Variants in KDM2A observed in about 807,000 individuals in gnomAD.
KDM2A encodes lysine demethylase 2A.
A neutral mutation model predicts 137.3 loss-of-function variants in KDM2A; 3 were observed. That is an observed-to-expected ratio of 0.02 (90% CI 0.01 to 0.06). The LOEUF (loss-of-function observed/expected upper bound fraction) is 0.06. Ranked by LOEUF, KDM2A falls within the 10% of genes least tolerant of loss-of-function variation. The probability of loss-of-function intolerance (pLI) is 1.00; values close to 1 mark genes in which losing one functional copy is unlikely to be tolerated. For synonymous variants in KDM2A, 512 were observed against 541.5 expected (o/e 0.95, Z 0.76); for missense variants, 738 against 1,510.6 (o/e 0.49, Z 8.48).
At chr11:67,221,082 C>T (rs912159472) in intron 10 of KDM2A, among the ~76,000 whole-genome samples, 2 of 151,612 alleles carry the variant, frequency 1.3e-5, no homozygotes, top group African/African-American at 4.8e-5. Flanking sequence ...AGGCAGCAGG[C>T]CAAATCCACT....
chr11:67,181,023 T>G (rs1857081012), intron 3 of KDM2A, among the ~76,000 whole-genome samples: 1 of 151,274 alleles, frequency 6.6e-6, no homozygotes, highest in African/African-American at 2.4e-5. Flanking sequence ...TTAGCATTTA[T>G]AAGATGACTC....
chr11:67,239,038 C>G (rs1324189291), intron 12 of KDM2A, among the ~76,000 whole-genome samples: 1 of 152,112 alleles, frequency 6.6e-6, no homozygotes, highest in Admixed American at 6.5e-5. Context: ...CTTGTCAGTC[C>G]GAGTGGCTGT....
intron 5 of KDM2A, among the ~76,000 whole-genome samples, chr11:67,198,751 G>A (rs1019659296): frequency 6.8e-6 from 1 of 146,998 alleles, no homozygotes; most frequent in African/African-American, 2.7e-5. Flanking sequence ...TGTCAGTGGT[G>A]ATCAGTAGTT....
At chr11:67,191,779 G>A (rs1857360361) in intron 5 of KDM2A, among the ~76,000 whole-genome samples, 2 of 152,288 alleles carry the variant, frequency 1.3e-5, no homozygotes, top group Admixed American at 6.5e-5. Flanking sequence ...CAGGAACAGC[G>A]TAAAGGCGCC....
At chr11:67,200,648 C>T (rs1164860730) in intron 5 of KDM2A, among the ~76,000 whole-genome samples, 1 of 152,072 alleles carries the variant, frequency 6.6e-6, no homozygotes, top group Non-Finnish European at 1.5e-5. Context: ...GCTGGGACTA[C>T]AAGCACATGC....
chr11:67,239,120 A>T (rs1858951450), intron 12 of KDM2A, among the ~76,000 whole-genome samples: 1 of 152,236 alleles, frequency 6.6e-6, no homozygotes. Flanking sequence ...AGAATGAGAC[A>T]GGCAAACAGA....
Position 67,254,733 on chromosome 11 carries a change from C to G in KDM2A, c.3308-141C>G. ...GGTCCCTTTGGAGGTGCTGATGGCA[C>G]TTCTGGTCTCTGAGCCAGGTAGTTG... On this transcript the variant is annotated intron_variant, in intron 20 of 20. Transcript: ENST00000529006. This position sits in a 1 kb window ranked among gnomAD's most constrained non-coding sequence, Gnocchi z 4.7. The G allele has an allele frequency of 1.3e-6, 1 of 764,516 alleles. No individual in the cohort carries two copies. The highest frequency in any genetic ancestry group is 2.1e-6 in the Non-Finnish European group (1 of 472,196). 47.4% of individuals were successfully genotyped at this position (764,516 alleles called of 1,614,324 possible). A position where few individuals can be genotyped will look rare whatever the true frequency, so the allele number is the denominator to read the frequency against.
At chr11:67,217,549 A>G in intron 8 of KDM2A, 182 bp from the exon 9 acceptor site, 1 of 610,796 alleles carries the variant, frequency 1.6e-6, no homozygotes, top group South Asian at 2.0e-5. Context: ...CAAGTGAAGG[A>G]TAAGAAAGAT....
At chr11:67,133,645 T>G (rs1013024018) in intron 2 of KDM2A, among the ~76,000 whole-genome samples, 2 of 150,118 alleles carry the variant, frequency 1.3e-5, no homozygotes, top group African/African-American at 4.9e-5. Flanking sequence ...TCAGGTGATC[T>G]GCCCACCTCG....
intron 2 of KDM2A, among the ~76,000 whole-genome samples, chr11:67,173,892 T>TA (rs2136328866): frequency 6.6e-6 from 1 of 151,856 alleles, no homozygotes; most frequent in Non-Finnish European, 1.5e-5. Flanking sequence ...TTTTTTTTTT[T>TA]TATAAGATAG....
chr11:67,121,194 A>C, intron 1 of KDM2A, 40 bp from the exon 2 acceptor site: 1 of 720,014 alleles, frequency 1.4e-6, no homozygotes, highest in Non-Finnish European at 2.4e-6. Context: ...CACAAGTTTG[A>C]GAATGAGTTC....
chr11:67,206,457 C>T (rs961067432), intron 5 of KDM2A, among the ~76,000 whole-genome samples: 2 of 151,910 alleles, frequency 1.3e-5, no homozygotes, highest in African/African-American at 4.8e-5. Flanking sequence ...AATAAATAGG[C>T]TGGGCATGGT....
intron 15 of KDM2A, among the ~76,000 whole-genome samples, chr11:67,246,652 A>G (rs961231906): frequency 6.6e-6 from 1 of 152,068 alleles, no homozygotes; most frequent in Non-Finnish European, 1.5e-5. Context: ...TTGTGTTCCA[A>G]AAGCTCCCCT....
rs779340255 is a variant in KDM2A at position 67,180,119 on chromosome 11, C to T, written c.83C>T (p.Ser28Leu). The T allele has an allele frequency of 1.9e-6, 3 of 1,613,806 alleles. No individual in the cohort carries two copies. The highest frequency in any genetic ancestry group is 1.7e-6 in the Non-Finnish European group (2 of 1,179,824). ...CGACGCTATGAAGATGATGGCATTT[C>T]AGATGATGAAATTGAAGGAAAAAGA... ...MRRRYEDDGI[S>L]DDEIEGKRTF... Residue 28 changes from serine to leucine, a missense_variant, in exon 3 of 21, where the codon TCA (serine) becomes TTA (leucine). Transcript: ENST00000529006.
At chr11:67,215,565 T>G (rs1179672664) in intron 7 of KDM2A, 119 bp downstream of exon 7, 2 of 698,300 alleles carry the variant, frequency 2.9e-6, no homozygotes, top group African/African-American at 1.8e-5. Flanking sequence ...AGATGAATTA[T>G]TTAAAGATGA....
chr11:67,183,622 C>CTTAT (rs1306768841), intron 5 of KDM2A, among the ~76,000 whole-genome samples: 5 of 152,172 alleles, frequency 3.3e-5, no homozygotes, highest in Non-Finnish European at 5.9e-5. Flanking sequence ...AGTTTCAGGC[C>CTTAT]TTAGCACAGT....
intron 5 of KDM2A, among the ~76,000 whole-genome samples, chr11:67,199,420 T>A (rs996074278): frequency 6.6e-6 from 1 of 152,178 alleles, no homozygotes. Context: ...AAGATGTGAA[T>A]GCAAAGGAAA....
At chr11:67,240,430 T>A (rs1377252472) in intron 12 of KDM2A, 3 of 1,422,288 alleles carry the variant, frequency 2.1e-6, no homozygotes, top group South Asian at 1.3e-5. Context: ...TAGGGACTTT[T>A]GTCTCAGTGA....
chr11:67,167,255 G>T (rs1590741378), intron 2 of KDM2A, among the ~76,000 whole-genome samples: 1 of 152,156 alleles, frequency 6.6e-6, no homozygotes, highest in Non-Finnish European at 1.5e-5. Context: ...TCCTCATCTT[G>T]AATTGATAGC....
Sources: allele counts gnomAD v4.1 joint callset (sites outside exome capture counted in the v4.1 genomes callset), GRCh38; gene constraint gnomAD v4.1.1; non-coding constraint Gnocchi (gnomAD v3.1); transcripts MANE v1.5; gene names NCBI Gene and HGNC (gene_info 2026-07-23, HGNC 2026-07-21).